Variants in GRIK4 observed in about 807,000 individuals in gnomAD.
The protein encoded by GRIK4 is glutamate ionotropic receptor kainate type subunit 4.
GRIK4 carries 40 observed loss-of-function variants against 104.9 expected under a neutral mutation model. That is an observed-to-expected ratio of 0.38 (90% CI 0.30 to 0.50). The LOEUF is 0.50. Ranked by LOEUF, GRIK4 falls within the 20% of genes least tolerant of loss-of-function variation. The pLI is 0.93. For missense variants in GRIK4, 1,047 were observed against 1,308.1 expected (o/e 0.80, Z 3.08); for synonymous variants, 485 against 524.9 (o/e 0.92, Z 1.04).
chr11:120,674,384 G>C (rs2135272616), intron 3 of GRIK4, among the ~76,000 whole-genome samples: 1 of 152,302 alleles, frequency 6.6e-6, no homozygotes, highest in Admixed American at 6.5e-5. Context: ...AGCCAATCTA[G>C]ATCTCGACAC....
In GRIK4 at chr11:120,740,871, C is replaced by T. The variant is rs1352336431; in HGVS notation, c.83-61822C>T. The stretch of plus-strand genomic sequence containing the variant: ...GGGCCCTCTCCTGGGTCATTCTCAC[C>T]TTACCATAGAGACGAGGCATGTTTA... On this transcript the variant is annotated intron_variant, in intron 3 of 20. Coordinates refer to ENST00000527524, the MANE Select transcript of GRIK4 (RefSeq NM_014619.5). Among the ~76,000 whole-genome samples the T allele has an allele frequency of 2.0e-5, 3 of 152,212 alleles. No homozygotes were observed. In the East Asian group the frequency reaches 5.8e-4, roughly 29 times the overall value.
intron 18 of GRIK4, among the ~76,000 whole-genome samples, chr11:120,963,470 C>T (rs578174954): frequency 3.3e-5 from 5 of 152,306 alleles, no homozygotes; most frequent in African/African-American, 1.2e-4. Context: ...TTCCTCCAGC[C>T]GCTTCTGACA....
chr11:120,569,553 G>A (rs1009024729), intron 1 of GRIK4, among the ~76,000 whole-genome samples: 1 of 152,154 alleles, frequency 6.6e-6, no homozygotes, highest in Non-Finnish European at 1.5e-5. Flanking sequence ...CTATATATGG[G>A]TATTCCCTTG....
At chr11:120,970,252 T>C (rs1014572845) in intron 19 of GRIK4, among the ~76,000 whole-genome samples, 2 of 152,084 alleles carry the variant, frequency 1.3e-5, no homozygotes, top group African/African-American at 4.8e-5. Flanking sequence ...AGGCGTGTGG[T>C]GGTGCAGAGG....
chr11:120,827,059 T>C (rs545481198), intron 6 of GRIK4, among the ~76,000 whole-genome samples: 3 of 152,174 alleles, frequency 2.0e-5, no homozygotes, highest in Non-Finnish European at 2.9e-5. Context: ...CAATCTTATA[T>C]GAACTGCTTC....
chr11:120,767,590 C>T (rs1017925047), intron 3 of GRIK4, among the ~76,000 whole-genome samples: 1 of 151,980 alleles, frequency 6.6e-6, no homozygotes, highest in South Asian at 2.1e-4. Context: ...GTAGCCTGAG[C>T]TTTTGGTGTG....
At chr11:120,900,063 A>G (rs1373457088) in intron 12 of GRIK4, among the ~76,000 whole-genome samples, 1 of 152,182 alleles carries the variant, frequency 6.6e-6, no homozygotes, top group Non-Finnish European at 1.5e-5. Flanking sequence ...AGAGACACAC[A>G]CCTAGGACTG....
At chr11:120,703,776 C>A (rs538189788) in intron 3 of GRIK4, among the ~76,000 whole-genome samples, 3 of 152,136 alleles carry the variant, frequency 2.0e-5, no homozygotes, top group African/African-American at 7.2e-5. Context: ...TCGGTTGTGT[C>A]TGTGTGCTGC....
intron 1 of GRIK4, among the ~76,000 whole-genome samples, chr11:120,571,860 G>A (rs1948404884): frequency 6.6e-6 from 1 of 152,170 alleles, no homozygotes; most frequent in Non-Finnish European, 1.5e-5. Context: ...TGGTGGTGGG[G>A]AACATGTTGG....
At chr11:120,668,915 G>C (rs1425226738) in intron 3 of GRIK4, among the ~76,000 whole-genome samples, 1 of 152,188 alleles carries the variant, frequency 6.6e-6, no homozygotes, top group Non-Finnish European at 1.5e-5. Flanking sequence ...CTGCATAGAA[G>C]CACTTAGGAT....
rs183189836 is a variant in GRIK4, at chr11:120,801,004, A to G, written c.83-1689A>G. ...ATATAATTCAGTGGTTTCTTTTTGT[A>G]TATTCACAGAGTAGCACAACTATTA... is the stretch of plus-strand genomic sequence containing the variant. On this transcript the variant is annotated intron_variant, in intron 3 of 20. Transcript: ENST00000527524. Among the ~76,000 whole-genome samples the G allele has an allele frequency of 5.6e-4, 85 of 152,328 alleles. 1 individual carries two copies. The East Asian group carries it at 0.014, about 25-fold the overall frequency.
intron 3 of GRIK4, among the ~76,000 whole-genome samples, chr11:120,673,371 G>A (rs564910939): frequency 4.5e-4 from 68 of 152,304 alleles, no homozygotes; most frequent in African/African-American, 1.6e-3. Flanking sequence ...CGGACACAGA[G>A]GCAGCCCTTA....
chr11:120,907,425 C>T (rs1183221999), intron 13 of GRIK4, among the ~76,000 whole-genome samples: 3 of 152,286 alleles, frequency 2.0e-5, no homozygotes. Flanking sequence ...GTGACTTGAA[C>T]AGTCAGAATC....
At chr11:120,740,068 A>C (rs115337270) in intron 3 of GRIK4, among the ~76,000 whole-genome samples, 1 of 152,210 alleles carries the variant, frequency 6.6e-6, no homozygotes, top group Non-Finnish European at 1.5e-5. Flanking sequence ...ACAGCTTGGG[A>C]TGTGGACTAC....
chr11:120,882,306 G>A (rs1402140265), intron 11 of GRIK4, among the ~76,000 whole-genome samples: 1 of 152,230 alleles, frequency 6.6e-6, no homozygotes, highest in Non-Finnish European at 1.5e-5. Flanking sequence ...TTCAATTTGA[G>A]GAAGGAATTT....
intron 1 of GRIK4, among the ~76,000 whole-genome samples, chr11:120,557,463 G>A (rs1322629349): frequency 6.6e-6 from 1 of 152,226 alleles, no homozygotes; most frequent in African/African-American, 2.4e-5. Flanking sequence ...GGTGATGGGA[G>A]TACTCAGCCA....
At chr11:120,608,360 G>A (rs961401979) in intron 1 of GRIK4, among the ~76,000 whole-genome samples, 6 of 152,214 alleles carry the variant, frequency 3.9e-5, no homozygotes, top group African/African-American at 1.4e-4. Context: ...TCTGGGAGGC[G>A]GAGTGCAAGG....
rs1024070628 is a variant in GRIK4, at chr11:120,953,291, G to T, written c.1700+327G>T. Reference sequence around the variant, plus strand: ...TGTAGGAGCCCTGGGAAGAGAGGAGGGGTGGGGTTGGCAGGAAGATGACTC... The same window carrying T: ...TGTAGGAGCCCTGGGAAGAGAGGAGTGGTGGGGTTGGCAGGAAGATGACTC... On this transcript the variant is annotated intron_variant, in intron 15 of 20. Transcript: ENST00000527524. This position sits in a 1 kb window ranked among gnomAD's most constrained non-coding sequence, Gnocchi z 4.9. Among the ~76,000 whole-genome samples, 3 of 152,292 alleles carry T rather than the reference G, an allele frequency of 2.0e-5. No individual in the cohort carries two copies. The highest frequency in any genetic ancestry group is 6.5e-5 in the Admixed American group (1 of 15,308).
intron 3 of GRIK4, among the ~76,000 whole-genome samples, chr11:120,725,075 A>C (rs1951004684): frequency 6.6e-6 from 1 of 152,184 alleles, no homozygotes; most frequent in Non-Finnish European, 1.5e-5. Context: ...GATTATGTGG[A>C]TTTTTGAAAA....
Sources: allele counts gnomAD v4.1 joint callset (sites outside exome capture counted in the v4.1 genomes callset), GRCh38; gene constraint gnomAD v4.1.1; non-coding constraint Gnocchi (gnomAD v3.1); transcripts MANE v1.5; gene names NCBI Gene and HGNC (gene_info 2026-07-23, HGNC 2026-07-21).